Variants in MAP6 observed in about 807,000 individuals in gnomAD.
MAP6 encodes microtubule associated protein 6, also known as microtubule-associated protein 6.
MAP6 carries 26 observed loss-of-function variants against 42.4 expected under a neutral mutation model. The observed-to-expected ratio is 0.61, with a 90% confidence interval of 0.45 to 0.85. The LOEUF (loss-of-function observed/expected upper bound fraction) is 0.85, where lower values mean the gene tolerates loss of function less well. Ranked by LOEUF, MAP6 falls within the 40% of genes least tolerant of loss-of-function variation. The pLI is 0.00. For missense variants in MAP6, 966 were observed against 1,099.0 expected (o/e 0.88, Z 1.71); for synonymous variants, 418 against 443.8 (o/e 0.94, Z 0.73).
intron 1 of MAP6, among the ~76,000 whole-genome samples, chr11:75,608,995 G>A (rs1448867012): frequency 1.3e-5 from 2 of 152,182 alleles, no homozygotes; most frequent in African/African-American, 2.4e-5. Flanking sequence ...TCACAACTAC[G>A]ACTTGTGTTG....
chr11:75,643,619 G>A (rs1590797649), intron 1 of MAP6, among the ~76,000 whole-genome samples: 1 of 152,162 alleles, frequency 6.6e-6, no homozygotes, highest in Non-Finnish European at 1.5e-5. Context: ...GGCAGTCCCA[G>A]AAATGGAACT....
At chr11:75,662,070 T>A (rs543526175) in intron 1 of MAP6, among the ~76,000 whole-genome samples, 1 of 152,080 alleles carries the variant, frequency 6.6e-6, no homozygotes. Context: ...TAGCTCAGAA[T>A]AAAATAAAAT....
At chr11:75,660,233 G>C (rs1943820207) in intron 1 of MAP6, among the ~76,000 whole-genome samples, 1 of 152,010 alleles carries the variant, frequency 6.6e-6, no homozygotes, top group Admixed American at 6.6e-5. Flanking sequence ...CTTTTCCAAG[G>C]GTAATTTTGC....
At chr11:75,639,376 A>C (rs980287915) in intron 1 of MAP6, among the ~76,000 whole-genome samples, 1 of 152,170 alleles carries the variant, frequency 6.6e-6, no homozygotes, top group Non-Finnish European at 1.5e-5. Flanking sequence ...TTTTTTCTTT[A>C]TGCAGAAGGC....
At chr11:75,653,018 T>C (rs1045021238) in intron 1 of MAP6, among the ~76,000 whole-genome samples, 1 of 152,116 alleles carries the variant, frequency 6.6e-6, no homozygotes, top group Non-Finnish European at 1.5e-5. Flanking sequence ...ATTACATCCA[T>C]GATGCCTCAT....
chr11:75,642,385 TA>T (rs1943486351), intron 1 of MAP6, among the ~76,000 whole-genome samples: 1 of 152,274 alleles, frequency 6.6e-6, no homozygotes, highest in East Asian at 1.9e-4. Context: ...CTGTAGTTGT[TA>T]CATTGTAAAT....
chr11:75,611,923 A>G (rs190169589), intron 1 of MAP6, among the ~76,000 whole-genome samples: 1 of 152,402 alleles, frequency 6.6e-6, no homozygotes, highest in African/African-American at 2.4e-5. Context: ...GTCTGAGCTC[A>G]GGTCAGTCAG....
intron 1 of MAP6, among the ~76,000 whole-genome samples, chr11:75,657,012 T>C (rs113790328): frequency 1.4e-3 from 210 of 152,364 alleles, no homozygotes; most frequent in African/African-American, 4.0e-3. Flanking sequence ...TTGCCTGTTT[T>C]TGAACTTCGT....
At chr11:75,617,809 C>A (rs1268064239) in intron 1 of MAP6, among the ~76,000 whole-genome samples, 1 of 152,104 alleles carries the variant, frequency 6.6e-6, no homozygotes, top group Non-Finnish European at 1.5e-5. Context: ...CAGGGTTTAC[C>A]AGTCCTAGGA....
In MAP6 at chr11:75,587,448, C is replaced by T. The variant is rs1319502500; in HGVS notation, c.2053G>A (p.Val685Ile). Residue 685 changes from valine to isoleucine, a missense_variant, in exon 4 of 4, where the codon GTT (valine) becomes ATT (isoleucine). Transcript: ENST00000304771. Reference protein sequence around the residue: ...VVSGPVKDQDVVVPEHAKVHD... With the variant: ...VVSGPVKDQDIVVPEHAKVHD... ...ACCTTTGCATGCTCTGGGACTACAA[C>T]ATCTTGATCCTTGACTGGCCCTGAG... is the stretch of plus-strand genomic sequence containing the variant. The T allele has an allele frequency of 1.2e-6, 2 of 1,614,142 alleles. No homozygotes were observed.
intron 3 of MAP6, chr11:75,604,597 G>GT (rs113818263): frequency 0.046 from 38,773 of 838,154 alleles, 379 homozygotes; most frequent in Non-Finnish European, 0.05. Flanking sequence ...AAGCACTGGG[G>GT]TTTTTTTTTT....
intron 3 of MAP6, among the ~76,000 whole-genome samples, chr11:75,601,454 T>C (rs1942662103): frequency 6.6e-6 from 1 of 152,178 alleles, no homozygotes; most frequent in Non-Finnish European, 1.5e-5. Flanking sequence ...GGTGGGATGT[T>C]TTCTATTCAT....
intron 3 of MAP6, chr11:75,605,183 C>G (rs1160900812): frequency 3.0e-6 from 3 of 985,316 alleles, no homozygotes; most frequent in Non-Finnish European, 3.6e-6. Flanking sequence ...CAATTTAAAG[C>G]CCACTGATAG....
rs945573016 is a variant in MAP6, at chr11:75,667,372, C to A, written c.905+93G>T. 1.6e-6 allele frequency: 2 copies of A among 1,224,272 alleles called. No individual in the cohort carries two copies. Among genetic ancestry groups the A allele is most frequent in the East Asian group, 3.2e-5 (1 of 30,864 alleles). The allele number at this position is 1,224,272 out of a possible 1,614,324, so 75.8% of individuals were successfully genotyped here. A position where few individuals can be genotyped will look rare whatever the true frequency, so the allele number is the denominator to read the frequency against. On this transcript the variant is annotated intron_variant, in intron 1 of 3. Transcript: ENST00000304771. This position sits in a 1 kb window ranked among gnomAD's most constrained non-coding sequence, Gnocchi z 5.6. ...GGCCTGGGACTGGAGGGAGGCTGCA[C>A]GCTAGGCCTGCGCTGGGGATCCTGG...
intron 3 of MAP6, among the ~76,000 whole-genome samples, chr11:75,591,847 C>T (rs532916917): frequency 2.4e-4 from 36 of 152,224 alleles, no homozygotes; most frequent in South Asian, 1.0e-3. Flanking sequence ...GTGGGGATAA[C>T]GATATAAATG....
In MAP6 at chr11:75,644,953, C is replaced by A. The variant is rs183839852; in HGVS notation, c.905+22512G>T. On this transcript the variant is annotated intron_variant, in intron 1 of 3. Coordinates refer to ENST00000304771, the MANE Select transcript of MAP6 (RefSeq NM_033063.2). Reference sequence around the variant, plus strand: ...AAACCCTGAATCAGAGCAGTAAAGGCAGCTAAAAGCTGAAATACCTCTGGA... The same window carrying A: ...AAACCCTGAATCAGAGCAGTAAAGGAAGCTAAAAGCTGAAATACCTCTGGA... Among the ~76,000 whole-genome samples, 495 of 152,222 alleles carry A rather than the reference C, an allele frequency of 3.3e-3. 5 individuals are homozygous for A. The highest frequency in any genetic ancestry group is 0.027 in the South Asian group (129 of 4,826).
intron 1 of MAP6, among the ~76,000 whole-genome samples, chr11:75,660,148 T>C (rs1943818379): frequency 1.3e-5 from 2 of 152,210 alleles, no homozygotes; most frequent in Non-Finnish European, 2.9e-5. Context: ...TTCATGGATA[T>C]CCCTTCTGCT....
At chr11:75,655,621 G>T (rs1336839363) in intron 1 of MAP6, among the ~76,000 whole-genome samples, 16 of 152,356 alleles carry the variant, frequency 1.1e-4, no homozygotes. Flanking sequence ...TTTAGGAAAA[G>T]AAGTGAGACC....
chr11:75,636,442 T>C (rs1943370547), intron 1 of MAP6, among the ~76,000 whole-genome samples: 2 of 152,242 alleles, frequency 1.3e-5, no homozygotes, highest in South Asian at 4.1e-4. Context: ...GCTTTGCCTC[T>C]GTATTAAGGG....
Sources: gnomAD v4.1 joint callset for allele counts (sites outside exome capture counted in the v4.1 genomes callset) on GRCh38, gnomAD v4.1.1 for gene constraint, Gnocchi (gnomAD v3.1) non-coding constraint, MANE v1.5 for transcripts, NCBI Gene and HGNC (gene_info 2026-07-23, HGNC 2026-07-21) for gene names.